PSTPIP1: variants seen among roughly 807,000 people sequenced by gnomAD.
The protein encoded by PSTPIP1 is proline-serine-threonine phosphatase interacting protein 1, also known as proline-serine-threonine phosphatase-interacting protein 1.
In PSTPIP1, 66 loss-of-function variants were observed where a neutral mutation model predicts 69.6. The ratio of observed to expected loss-of-function variants is 0.95; its 90% CI spans 0.78 to 1.16. The LOEUF is 1.16. PSTPIP1 is among the 50% of genes most tolerant of loss of function. The pLI, the probability that PSTPIP1 is intolerant of heterozygous loss-of-function variation, is 0.00. For synonymous variants in PSTPIP1, 266 were observed against 222.7 expected, an observed-to-expected ratio of 1.19 and a Z score of -1.73; for missense variants, 603 against 557.4, an observed-to-expected ratio of 1.08 and a Z score of -0.82.
At chr15:77,019,478 C>T (rs985485228) in intron 3 of PSTPIP1, among the ~76,000 whole-genome samples, 7 of 152,100 alleles carry the variant, frequency 4.6e-5, no homozygotes, top group African/African-American at 1.2e-4. Context: ...GGCACCCTGG[C>T]GGCTCCTGCT....
At chr15:77,023,111 C>T (rs1417369824) in intron 3 of PSTPIP1, among the ~76,000 whole-genome samples, 4 of 152,260 alleles carry the variant, frequency 2.6e-5, no homozygotes, top group African/African-American at 4.8e-5. Flanking sequence ...CCTTACAGCA[C>T]CCCTCAGCCT....
intron 5 of PSTPIP1, among the ~76,000 whole-genome samples, chr15:77,026,678 C>A (rs545839288): frequency 6.6e-6 from 1 of 152,368 alleles, no homozygotes; most frequent in African/African-American, 2.4e-5. Flanking sequence ...CCCGTGCCAC[C>A]TGCCCATCTG....
At chr15:77,020,271 G>A (rs1170867886) in intron 3 of PSTPIP1, among the ~76,000 whole-genome samples, 1 of 152,164 alleles carries the variant, frequency 6.6e-6, no homozygotes, top group African/African-American at 2.4e-5. Flanking sequence ...GCCAGGTGGG[G>A]CAGGGTCTGC....
intron 10 of PSTPIP1, 118 bp from the exon 11 acceptor site, chr15:77,032,180 C>T (rs1426464752): frequency 1.0e-5 from 10 of 987,852 alleles, no homozygotes; most frequent in East Asian, 5.3e-5. Context: ...TCAAAGACCC[C>T]GAGCCGCGCA....
intron 1 of PSTPIP1, among the ~76,000 whole-genome samples, chr15:77,013,796 T>C (rs62007170): frequency 0.13 from 19,429 of 152,188 alleles, 1,291 homozygotes; most frequent in African/African-American, 0.16. Flanking sequence ...AAAACCCAGG[T>C]GTCCCCCTCC....
chr15:76,996,906 C>A (rs2075592863), intron 1 of PSTPIP1, among the ~76,000 whole-genome samples: 1 of 152,158 alleles, frequency 6.6e-6, no homozygotes, highest in African/African-American at 2.4e-5. Context: ...AGCTGCCCTG[C>A]CTTGGTGTGC....
intron 8 of PSTPIP1, 135 bp from the exon 9 acceptor site, chr15:77,030,367 C>A: frequency 1.1e-6 from 1 of 875,482 alleles, no homozygotes; most frequent in Non-Finnish European, 1.8e-6. Context: ...GATGAGGCCC[C>A]GCCATCTGCT....
rs866959002 is a variant in PSTPIP1, at chr15:77,009,026, C to T, written c.37-9122C>T. On this transcript the variant is annotated intron_variant, in intron 1 of 14. Coordinates refer to ENST00000558012, the MANE Select transcript of PSTPIP1 (RefSeq NM_003978.5). Reference sequence around the variant, plus strand: ...TACACTCATGGGTGGTCCTGGGGAGCCCCTCAACTCTCTGAGCCTTGGTTC... The same window carrying T: ...TACACTCATGGGTGGTCCTGGGGAGTCCCTCAACTCTCTGAGCCTTGGTTC... 8.5e-5 allele frequency among the ~76,000 whole-genome samples: 13 copies of T among 152,294 alleles called. No individual in the cohort carries two copies. The Middle Eastern group carries it at 0.01, about 120-fold the overall frequency.
At chr15:77,025,684 T>C in intron 5 of PSTPIP1, 80 bp downstream of exon 5, 3 of 777,954 alleles carry the variant, frequency 3.9e-6, no homozygotes, top group African/African-American at 1.8e-5. Context: ...GGGCTGACCT[T>C]CCTGGTAGAG....
Position 77,037,330 on chromosome 15 carries a change from C to A in PSTPIP1, c.*154C>A. 1 of 709,620 alleles carries A rather than the reference C, an allele frequency of 1.4e-6. No individual in the cohort carries two copies. The highest frequency in any genetic ancestry group is 2.0e-6 in the Non-Finnish European group (1 of 494,310). 44.0% of individuals were successfully genotyped at this position (709,620 alleles called of 1,614,324 possible). A position where few individuals can be genotyped will look rare whatever the true frequency, so the allele number is the denominator to read the frequency against. On this transcript the variant is annotated 3_prime_UTR_variant, in exon 15 of 15. Transcript: ENST00000558012. ...AGGGAATAAAGGAGTGCGTTCTGTT[C>A]TCCTTGGTGTGCTGGGGTCCCGTTC...
chr15:77,017,171 C>T (rs1050385241), intron 1 of PSTPIP1, among the ~76,000 whole-genome samples: 19 of 152,076 alleles, frequency 1.2e-4, no homozygotes, highest in Non-Finnish European at 1.9e-4. Context: ...GGGGTTGTGG[C>T]GGGGATCCTG....
intron 13 of PSTPIP1, 44 bp downstream of exon 13, chr15:77,035,607 G>T (rs747711304): frequency 1.0e-4 from 160 of 1,544,848 alleles, no homozygotes; most frequent in Non-Finnish European, 1.4e-4. Context: ...CTGATCCTGG[G>T]GGGGAGGAGA....
intron 1 of PSTPIP1, among the ~76,000 whole-genome samples, chr15:77,008,984 G>A (rs2075877263): frequency 6.6e-6 from 1 of 152,174 alleles, no homozygotes. Context: ...GAGCCCAGTG[G>A]CCCGCTTCGA....
At chr15:77,004,879 C>CA (rs917299482) in intron 1 of PSTPIP1, among the ~76,000 whole-genome samples, 42 of 149,534 alleles carry the variant, frequency 2.8e-4, no homozygotes, top group Admixed American at 8.6e-4. Context: ...AACAAACAAA[C>CA]AAAAAAAACA....
chr15:77,004,984 G>T (rs945866623), intron 1 of PSTPIP1, among the ~76,000 whole-genome samples: 1 of 152,118 alleles, frequency 6.6e-6, no homozygotes, highest in Non-Finnish European at 1.5e-5. Flanking sequence ...ATTACACCCC[G>T]ATTTCTGAGG....
chr15:77,013,515 C>G (rs1339286176), intron 1 of PSTPIP1, among the ~76,000 whole-genome samples: 1 of 152,168 alleles, frequency 6.6e-6, no homozygotes, highest in Non-Finnish European at 1.5e-5. Flanking sequence ...CCCTTTCTCT[C>G]CCTGGCACCT....
At chr15:76,997,104 C>T (rs1596032320) in intron 1 of PSTPIP1, among the ~76,000 whole-genome samples, 2 of 152,198 alleles carry the variant, frequency 1.3e-5, no homozygotes, top group Admixed American at 6.5e-5. Context: ...GTAGGGGTGG[C>T]GTATAAGGGA....
rs377107761 is a variant in PSTPIP1 at position 77,018,497 on chromosome 15, A to T, written c.178A>T (p.Ile60Phe). The T allele has an allele frequency of 6.3e-7, 1 of 1,582,236 alleles. No individual in the cohort carries two copies. The highest frequency in any genetic ancestry group is 8.6e-7 in the Non-Finnish European group (1 of 1,164,150). Residue 60 changes from isoleucine (I) to phenylalanine (F), a missense_variant, in exon 3 of 15, where the codon ATC becomes TTC. By Grantham distance (21) the Ile-to-Phe change is conservative (BLOSUM62 0). Coordinates refer to ENST00000558012, the MANE Select transcript of PSTPIP1 (RefSeq NM_003978.5). ...GCGGTACGGGAAGGAGCTGGTGCAG[A>T]TCGCACGGAAGGCAGGTGGCCAGAC... ...EERYGKELVQ[I>F]ARKAGGQTEI...
intron 3 of PSTPIP1, chr15:77,023,483 C>T (rs981703355): frequency 1.3e-5 from 2 of 152,762 alleles, no homozygotes; most frequent in African/African-American, 2.4e-5. Context: ...AGGACAGTCA[C>T]GAGATTTAGG....
Sources: allele counts gnomAD v4.1 joint callset (sites outside exome capture counted in the v4.1 genomes callset), GRCh38; gene constraint gnomAD v4.1.1; transcripts MANE v1.5; gene names NCBI Gene and HGNC (gene_info 2026-07-23, HGNC 2026-07-21).